Variants in PRKG1 observed in about 807,000 individuals in gnomAD.
PRKG1 encodes cGMP-dependent protein kinase 1.
In PRKG1, 35 loss-of-function variants were observed where a neutral mutation model predicts 88.1. The observed-to-expected ratio is 0.40, with a 90% CI of 0.30 to 0.53. PRKG1 has a LOEUF of 0.53. Among genes scored for constraint, PRKG1 ranks in the 20% least tolerant of loss-of-function variants. The probability of loss-of-function intolerance (pLI) is 0.59; values close to 1 mark genes in which losing one functional copy is unlikely to be tolerated. For synonymous variants in PRKG1, 303 were observed against 292.5 expected, an observed-to-expected ratio of 1.04 and a Z score of -0.37; for missense variants, 540 against 839.8, an observed-to-expected ratio of 0.64 and a Z score of 4.41.
At chr10:51,709,912 G>A (rs1016182805) in intron 3 of PRKG1, among the ~76,000 whole-genome samples, 4 of 150,290 alleles carry the variant, frequency 2.7e-5, no homozygotes, top group Admixed American at 2.1e-4. Context: ...GACACATTTC[G>A]TAGCAGCAAG....
At chr10:51,570,728 G>T (rs1336583871) in intron 3 of PRKG1, among the ~76,000 whole-genome samples, 1 of 151,474 alleles carries the variant, frequency 6.6e-6, no homozygotes, top group Non-Finnish European at 1.5e-5. Flanking sequence ...CCTGAAAATA[G>T]ACTATGATTT....
intron 4 of PRKG1, among the ~76,000 whole-genome samples, chr10:51,846,298 A>G (rs1215873301): frequency 6.6e-6 from 1 of 152,220 alleles, no homozygotes; most frequent in Non-Finnish European, 1.5e-5. Flanking sequence ...ACTAACAAAC[A>G]GTAAAACAAC....
rs531337789 is a variant in PRKG1, at chr10:51,248,955, C to G, written c.478+95625C>G. ...CCTGAGAAATTGGTGATTGAGTAAT[C>G]AAGACCCCGGTCAGATTACAGACAA... On this transcript the variant is annotated intron_variant, in intron 2 of 17. Transcript: ENST00000373980. Among the ~76,000 whole-genome samples, 4 of 151,782 alleles carry G rather than the reference C, an allele frequency of 2.6e-5. No individual in the cohort carries two copies. In the East Asian group the frequency reaches 7.7e-4, roughly 29 times the overall value.
intron 1 of PRKG1, among the ~76,000 whole-genome samples, chr10:51,130,173 C>T (rs1845529043): frequency 6.6e-6 from 1 of 152,152 alleles, no homozygotes; most frequent in African/African-American, 2.4e-5. Flanking sequence ...AAGTCAGAAG[C>T]CTATGAATCA....
intron 2 of PRKG1, among the ~76,000 whole-genome samples, chr10:51,339,989 A>G (rs979972778): frequency 6.6e-5 from 10 of 152,136 alleles, no homozygotes; most frequent in African/African-American, 2.2e-4. Flanking sequence ...TCACCAACTT[A>G]TACTTCCATC....
chr10:51,166,334 T>C (rs1028729579), intron 2 of PRKG1, among the ~76,000 whole-genome samples: 3 of 152,200 alleles, frequency 2.0e-5, no homozygotes, highest in Non-Finnish European at 4.4e-5. Context: ...AATATGTGTA[T>C]ATGAATTTAC....
intron 1 of PRKG1, among the ~76,000 whole-genome samples, chr10:51,146,405 C>T (rs912552294): frequency 1.7e-4 from 26 of 149,828 alleles, no homozygotes; most frequent in South Asian, 1.1e-3. Flanking sequence ...ATTCAGATCA[C>T]ATGCCCATGT....
intron 3 of PRKG1, among the ~76,000 whole-genome samples, chr10:51,583,750 G>T (rs1450863453): frequency 6.6e-6 from 1 of 152,068 alleles, no homozygotes; most frequent in Non-Finnish European, 1.5e-5. Flanking sequence ...TGAGTAGGAT[G>T]AATTATACCT....
chr10:51,810,176 A>G (rs975585979), intron 4 of PRKG1, among the ~76,000 whole-genome samples: 29 of 152,236 alleles, frequency 1.9e-4, no homozygotes, highest in African/African-American at 6.8e-4. Context: ...GCTTTACATT[A>G]TATTTTCAAT....
chr10:52,219,669 G>T (rs1840196626), intron 9 of PRKG1, among the ~76,000 whole-genome samples: 1 of 152,188 alleles, frequency 6.6e-6, no homozygotes, highest in South Asian at 2.1e-4. Flanking sequence ...CTAACAATTA[G>T]CTGACAATCA....
chr10:51,210,630 G>A (rs1183973899), intron 2 of PRKG1, among the ~76,000 whole-genome samples: 4 of 151,882 alleles, frequency 2.6e-5, no homozygotes, highest in South Asian at 2.1e-4. Context: ...ATGACAAAGG[G>A]GTATCATCAC....
chr10:52,077,022 A>G (rs1312937579), intron 7 of PRKG1, among the ~76,000 whole-genome samples: 2 of 152,052 alleles, frequency 1.3e-5, no homozygotes, highest in Non-Finnish European at 2.9e-5. Flanking sequence ...ACTTAAACAT[A>G]TTACCTACCA....
chr10:51,033,622 G>A (rs568298524), intron 1 of PRKG1, among the ~76,000 whole-genome samples: 5 of 152,222 alleles, frequency 3.3e-5, no homozygotes, highest in South Asian at 4.1e-4. Context: ...CTACCACACG[G>A]CCCTCTAGAC....
intron 4 of PRKG1, among the ~76,000 whole-genome samples, chr10:51,894,755 T>C (rs1375728112): frequency 6.6e-6 from 1 of 152,208 alleles, no homozygotes; most frequent in Non-Finnish European, 1.5e-5. Flanking sequence ...ATAGTGTAGT[T>C]TTAGAAGACG....
intron 9 of PRKG1, among the ~76,000 whole-genome samples, chr10:52,243,133 C>T (rs956409731): frequency 6.6e-6 from 1 of 151,886 alleles, no homozygotes; most frequent in Non-Finnish European, 1.5e-5. Context: ...CATTTTTGGC[C>T]TTTAATTTTA....
intron 3 of PRKG1, chr10:51,697,682 A>G (rs763957208): frequency 5.0e-6 from 8 of 1,612,116 alleles, no homozygotes; most frequent in Middle Eastern, 1.7e-4. Flanking sequence ...CTACAGCCAA[A>G]TATTTTCTAA....
At chr10:51,860,994 T>C (rs1448178721) in intron 4 of PRKG1, among the ~76,000 whole-genome samples, 1 of 152,218 alleles carries the variant, frequency 6.6e-6, no homozygotes, top group Non-Finnish European at 1.5e-5. Context: ...CATTCATGTA[T>C]CACACATGTG....
At chr10:52,114,418 A>G (rs952342180) in intron 7 of PRKG1, among the ~76,000 whole-genome samples, 3 of 151,962 alleles carry the variant, frequency 2.0e-5, no homozygotes, top group Non-Finnish European at 2.9e-5. Flanking sequence ...TACATATCAC[A>G]TATGGTCTGT....
chr10:51,128,760 A>C (rs1358737208), intron 1 of PRKG1, among the ~76,000 whole-genome samples: 1 of 152,198 alleles, frequency 6.6e-6, no homozygotes, highest in Non-Finnish European at 1.5e-5. Flanking sequence ...GGTAATTAGA[A>C]GTTAGATTTT....
Sources: allele counts gnomAD v4.1 joint callset (sites outside exome capture counted in the v4.1 genomes callset), GRCh38; gene constraint gnomAD v4.1.1; transcripts MANE v1.5; gene names NCBI Gene and HGNC (gene_info 2026-07-23, HGNC 2026-07-21).